OTULIN: variants seen among roughly 807,000 people sequenced by gnomAD.
The protein encoded by OTULIN is OTU deubiquitinase with linear linkage specificity.
OTULIN carries 15 observed loss-of-function variants against 39.6 expected under a neutral mutation model. That is an observed-to-expected ratio of 0.38 (90% CI 0.25 to 0.58). OTULIN has a LOEUF of 0.58. OTULIN is among the 20% of genes least tolerant of loss of function. OTULIN has a pLI of 0.66. For missense variants in OTULIN, 319 were observed against 445.9 expected, an observed-to-expected ratio of 0.72 and a Z score of 2.56; for synonymous variants, 156 against 170.3, an observed-to-expected ratio of 0.92 and a Z score of 0.65.
At chr5:14,673,817 T>C in intron 2 of OTULIN, 99 bp downstream of exon 2, 1 of 973,016 alleles carries the variant, frequency 1.0e-6, no homozygotes, top group South Asian at 1.6e-5. Flanking sequence ...CAATAAAATA[T>C]TCTTATGTAT....
chr5:14,673,934 C>T (rs1560993143), intron 2 of OTULIN: 1 of 348,914 alleles, frequency 2.9e-6, no homozygotes, highest in South Asian at 4.5e-5. Context: ...ACATTCATAT[C>T]GTTTTTCACA....
chr5:14,674,859 C>T (rs1409730847), intron 2 of OTULIN, among the ~76,000 whole-genome samples: 1 of 152,170 alleles, frequency 6.6e-6, no homozygotes, highest in Non-Finnish European at 1.5e-5. Context: ...GGACTCATCC[C>T]TAAAGAACTG....
the OTULIN span, chr5:14,706,264 A>G: frequency 4.6e-5 from 7 of 152,354 alleles, no homozygotes; most frequent in East Asian, 1.3e-3. Context: ...CCACCTATAA[A>G]AGTGCATATA....
At chr5:14,701,430 G>A (rs935175370), downstream of OTULIN, among the ~76,000 whole-genome samples, 1 of 152,076 alleles carries the variant, frequency 6.6e-6, no homozygotes, top group Non-Finnish European at 1.5e-5. Flanking sequence ...TGTCAAACTC[G>A]GGATTTGCCA....
intron 2 of OTULIN, among the ~76,000 whole-genome samples, chr5:14,677,184 G>A (rs531897082): frequency 6.6e-6 from 1 of 151,804 alleles, no homozygotes; most frequent in Non-Finnish European, 1.5e-5. Context: ...GGCCTCTTTT[G>A]TGCTCCTAAT....
intron 4 of OTULIN, among the ~76,000 whole-genome samples, chr5:14,686,846 A>G (rs1482992138): frequency 1.3e-5 from 2 of 152,204 alleles, no homozygotes; most frequent in African/African-American, 4.8e-5. Context: ...GAAACTAGCA[A>G]TGTAGTTCAG....
In OTULIN at chr5:14,697,529, G is replaced by A. The variant is rs746550202; in HGVS notation, c.*4481G>A. 5 of 151,994 alleles carry A rather than the reference G, an allele frequency of 3.3e-5. No homozygotes were observed. The highest frequency in any genetic ancestry group is 6.6e-5 in the Admixed American group (1 of 15,250). 9.4% of individuals were successfully genotyped at this position (151,994 alleles called of 1,614,324 possible). A position where few individuals can be genotyped will look rare whatever the true frequency, so the allele number is the denominator to read the frequency against. ...ATTGAAATCTACTACCAGGAATGTC[G>A]GAATGGGTTTTGGTATGTATAATGG... On this transcript the variant is annotated 3_prime_UTR_variant, in exon 7 of 7. Coordinates refer to ENST00000284274, the MANE Select transcript of OTULIN (RefSeq NM_138348.6).
intron 1 of OTULIN, among the ~76,000 whole-genome samples, chr5:14,665,298 C>T (rs752151855): frequency 2.0e-5 from 3 of 152,140 alleles, no homozygotes; most frequent in African/African-American, 2.4e-5. Flanking sequence ...TACTGGTTCC[C>T]GCTAGATCTT....
chr5:14,707,397 G>T, the OTULIN span: 1 of 152,218 alleles, frequency 6.6e-6, no homozygotes, highest in South Asian at 2.1e-4. Context: ...CCCTCCAGAA[G>T]ATCCCCAAAT....
At chr5:14,674,770 T>A (rs181650328) in intron 2 of OTULIN, among the ~76,000 whole-genome samples, 3 of 151,854 alleles carry the variant, frequency 2.0e-5, no homozygotes, top group Non-Finnish European at 4.4e-5. Flanking sequence ...AAATAAAAAA[T>A]AAAAATATAA....
chr5:14,702,210 G>C (rs1373753352), downstream of OTULIN, among the ~76,000 whole-genome samples: 2 of 152,204 alleles, frequency 1.3e-5, 1 homozygote, highest in Admixed American at 1.3e-4. Flanking sequence ...GGGTGCTCCT[G>C]TGACTCCTCT....
intron 1 of OTULIN, among the ~76,000 whole-genome samples, chr5:14,666,134 C>T (rs1366323149): frequency 6.6e-6 from 1 of 152,202 alleles, no homozygotes; most frequent in Non-Finnish European, 1.5e-5. Context: ...GAACAGTGCG[C>T]TTAATTTAAT....
At position 14,697,502 on chromosome 5, in the gene OTULIN, A is replaced by C. The variant is rs1211413403; in HGVS notation, c.*4454A>C. On this transcript the variant is annotated 3_prime_UTR_variant, in exon 7 of 7. Transcript: ENST00000284274. ...CCATGTATTGTATTTTTTTCAGGTT[A>C]TATTGAAATCTACTACCAGGAATGT... 6.6e-6 allele frequency: 1 copy of C among 152,060 alleles called. No homozygotes were observed. Among genetic ancestry groups the C allele is most frequent in the African/African-American group, 2.4e-5 (1 of 41,402 alleles). The allele number at this position is 152,060 out of a possible 1,614,324, so 9.4% of individuals were successfully genotyped here.
the OTULIN span, among the ~76,000 whole-genome samples, chr5:14,714,055 G>T: frequency 6.6e-6 from 1 of 152,376 alleles, no homozygotes; most frequent in East Asian, 1.9e-4. Context: ...GTGATGCTGC[G>T]TGAGCAGAAA....
chr5:14,710,988 C>A, the OTULIN span: 1 of 577,284 alleles, frequency 1.7e-6, no homozygotes, highest in Non-Finnish European at 3.1e-6. Flanking sequence ...TTTTACATAG[C>A]AACAGTAAAG....
chr5:14,681,732 C>CA, intron 4 of OTULIN, 125 bp downstream of exon 4: 1 of 1,147,114 alleles, frequency 8.7e-7, no homozygotes, highest in Non-Finnish European at 1.2e-6. Flanking sequence ...TGCGTTTATT[C>CA]AGTTTTGTGT....
chr5:14,705,709 G>A, the OTULIN span: 1 of 153,166 alleles, frequency 6.5e-6, no homozygotes, highest in Non-Finnish European at 1.5e-5. Context: ...TGTGGATGTG[G>A]CAGCCCTGGG....
At chr5:14,692,187 C>T (rs1046931899) in intron 6 of OTULIN, among the ~76,000 whole-genome samples, 17 of 152,326 alleles carry the variant, frequency 1.1e-4, no homozygotes, top group African/African-American at 4.1e-4. Context: ...TACATTCTCA[C>T]CAGCAATGTA....
At chr5:14,668,359 C>T (rs974561411) in intron 1 of OTULIN, among the ~76,000 whole-genome samples, 1 of 152,214 alleles carries the variant, frequency 6.6e-6, no homozygotes, top group Non-Finnish European at 1.5e-5. Context: ...CTGGAAGTCA[C>T]ATGGAGTAGC....
Sources: allele counts gnomAD v4.1 joint callset (sites outside exome capture counted in the v4.1 genomes callset), GRCh38; gene constraint gnomAD v4.1.1; transcripts MANE v1.5; gene names NCBI Gene and HGNC (gene_info 2026-07-23, HGNC 2026-07-21).